FGF13: variants seen among roughly 807,000 people sequenced by gnomAD.
The protein encoded by FGF13 is fibroblast growth factor homologous factor 2.
In FGF13, 2 loss-of-function variants were observed where a neutral mutation model predicts 19.5. The ratio of observed to expected loss-of-function variants is 0.10; its 90% CI spans 0.04 to 0.32. The LOEUF is 0.32. Among genes scored for constraint, FGF13 ranks in the 10% least tolerant of loss-of-function variants. The pLI, the probability that FGF13 is intolerant of heterozygous loss-of-function variation, is 1.00. For synonymous variants in FGF13, 72 were observed against 76.9 expected (o/e 0.94, Z 0.33); for missense variants, 113 against 192.7 (o/e 0.59, Z 2.45).
chrX:138,986,847 C>G (rs2091996460), intron 1 of FGF13, among the ~76,000 whole-genome samples: 1 of 111,906 alleles, frequency 8.9e-6, no homozygotes, highest in Middle Eastern at 4.7e-3. Context: ...AAAATTATAT[C>G]AAAATAGTCA....
At chrX:139,011,560 C>T (rs2092128813) in intron 1 of FGF13, among the ~76,000 whole-genome samples, 1 of 111,101 alleles carries the variant, frequency 9.0e-6, no homozygotes, top group South Asian at 3.7e-4. Context: ...ATGTTACACA[C>T]CACATAAACA....
At chrX:139,185,904 G>A (rs921089425) in intron 1 of FGF13, among the ~76,000 whole-genome samples, 17 of 111,413 alleles carry the variant, frequency 1.5e-4, no homozygotes, top group Non-Finnish European at 2.3e-4. Context: ...AAGTAAGGGG[G>A]AAAAATGTGA....
chrX:138,929,233 C>CTG (rs1291036979), intron 1 of FGF13, among the ~76,000 whole-genome samples: 5 of 71,464 alleles, frequency 7.0e-5, no homozygotes, highest in Non-Finnish European at 1.2e-4. Context: ...AAGAGGAAAA[C>CTG]TCTGTGTGTG....
chrX:138,649,103 G>T (rs1327951107), intron 3 of FGF13, among the ~76,000 whole-genome samples: 6 of 111,615 alleles, frequency 5.4e-5, no homozygotes, highest in Non-Finnish European at 1.1e-4. Context: ...CGCTCACATT[G>T]ATTTCATGCA....
chrX:138,655,888 C>T (rs1015239054), intron 3 of FGF13, among the ~76,000 whole-genome samples: 1 of 111,624 alleles, frequency 9.0e-6, no homozygotes, highest in Non-Finnish European at 1.9e-5. Flanking sequence ...CTGGAGAATA[C>T]ATAGCTTCTT....
intron 3 of FGF13, among the ~76,000 whole-genome samples, chrX:138,694,451 C>CTTT (rs755524415): frequency 7.9e-5 from 7 of 88,283 alleles, no homozygotes; most frequent in African/African-American, 1.2e-4. Flanking sequence ...CTTTTCTTTT[C>CTTT]TTTTTTTTTT....
chrX:138,917,470 G>A (rs1209079407), intron 1 of FGF13, among the ~76,000 whole-genome samples: 1 of 111,949 alleles, frequency 8.9e-6, no homozygotes, highest in East Asian at 2.8e-4. Flanking sequence ...CTCCAGAAAT[G>A]TGGGAGATAA....
intron 1 of FGF13, among the ~76,000 whole-genome samples, chrX:139,016,240 G>T (rs770406227): frequency 4.6e-4 from 52 of 111,842 alleles, no homozygotes; most frequent in Non-Finnish European, 7.9e-4. Flanking sequence ...AACTAGGAAG[G>T]AGTTCAAAAT....
chrX:139,182,629 G>A (rs181693239), intron 1 of FGF13, among the ~76,000 whole-genome samples: 15 of 111,216 alleles, frequency 1.3e-4, no homozygotes, highest in Admixed American at 2.9e-4. Flanking sequence ...ATATTCCCTC[G>A]GGATGGGGTG....
chrX:138,774,180 T>C (rs1200062010), intron 3 of FGF13, among the ~76,000 whole-genome samples: 2 of 111,761 alleles, frequency 1.8e-5, no homozygotes, highest in Admixed American at 9.6e-5. Flanking sequence ...AATAAATAAA[T>C]TATTGGCAAC....
rs764084111 is a variant in FGF13 at position 138,782,564 on chromosome X, T to G, written c.218-73636A>C. 3.6e-4 allele frequency among the ~76,000 whole-genome samples: 38 copies of G among 106,396 alleles called. 1 individual carries two copies. In the East Asian group the frequency reaches 0.011, roughly 30 times the overall value. 92.4% of individuals were successfully genotyped at this position (106,396 alleles called of 115,157 possible). Reference sequence around the variant, plus strand: ...ATCATGAGTGAACTCCCATTCACAATTGCTTCAAAGAGAATAAAATACCTA... The same window carrying G: ...ATCATGAGTGAACTCCCATTCACAAGTGCTTCAAAGAGAATAAAATACCTA... On this transcript the variant is annotated intron_variant, in intron 3 of 6. Coordinates refer to the FGF13 transcript ENST00000436198.
chrX:138,927,557 C>T (rs2091680241), intron 1 of FGF13, among the ~76,000 whole-genome samples: 1 of 112,356 alleles, frequency 8.9e-6, no homozygotes, highest in Non-Finnish European at 1.9e-5. Flanking sequence ...CCTACACAAG[C>T]TTAAACTAAT....
chrX:138,967,012 C>T (rs1053353492), intron 1 of FGF13, among the ~76,000 whole-genome samples: 9 of 110,832 alleles, frequency 8.1e-5, no homozygotes, highest in Non-Finnish European at 1.3e-4. Context: ...TTTTAAGTTT[C>T]CTGAGGTCTC....
intron 3 of FGF13, among the ~76,000 whole-genome samples, chrX:138,847,855 C>T (rs1183638456): frequency 8.9e-6 from 1 of 111,789 alleles, no homozygotes; most frequent in Non-Finnish European, 1.9e-5. Context: ...CGATGACAGC[C>T]TCTGGTGTAA....
intron 3 of FGF13, among the ~76,000 whole-genome samples, chrX:138,847,624 CATT>C (rs2091192099): frequency 9.0e-6 from 1 of 111,293 alleles, no homozygotes; most frequent in Non-Finnish European, 1.9e-5. Flanking sequence ...TCACAGTGGT[CATT>C]ATTGAAGGTG....
At chrX:138,983,316 T>C (rs1472601424) in intron 1 of FGF13, among the ~76,000 whole-genome samples, 2 of 106,965 alleles carry the variant, frequency 1.9e-5, no homozygotes, top group Non-Finnish European at 3.9e-5. Flanking sequence ...TTTTATTCTT[T>C]TGCATGTGGC....
At chrX:139,191,212 C>T (rs1034722678) in intron 1 of FGF13, among the ~76,000 whole-genome samples, 2 of 112,194 alleles carry the variant, frequency 1.8e-5, no homozygotes, top group Non-Finnish European at 3.8e-5. Flanking sequence ...TTATTATCTT[C>T]TGCCAGGATT....
In FGF13 at chrX:139,160,882, C is replaced by T. The variant is rs1478406899; in HGVS notation, c.-113+42534G>A. ...GCCTACCAACCAAAAAAACCCAGGA[C>T]CAGATGGATTCACAGCTGAATTCTA... On this transcript the variant is annotated intron_variant, in intron 1 of 2. Coordinates refer to the FGF13 transcript ENST00000421460. 2.6e-4 allele frequency among the ~76,000 whole-genome samples: 29 copies of T among 111,751 alleles called. No homozygotes were observed. The Admixed American group carries it at 2.8e-3, about 11-fold the overall frequency.
chrX:139,052,755 G>A (rs1375590207), intron 1 of FGF13, among the ~76,000 whole-genome samples: 1 of 112,078 alleles, frequency 8.9e-6, no homozygotes, highest in Non-Finnish European at 1.9e-5. Context: ...TGCTTTGACC[G>A]CTTCCACCTC....
Sources: allele counts gnomAD v4.1 joint callset (sites outside exome capture counted in the v4.1 genomes callset), GRCh38; gene constraint gnomAD v4.1.1; transcripts MANE v1.5; gene names NCBI Gene and HGNC (gene_info 2026-07-23, HGNC 2026-07-21).